Variants in ZNF385D observed in about 807,000 individuals in gnomAD.
ZNF385D encodes the protein zinc finger protein 659.
Under a neutral mutation model 35.8 loss-of-function variants are expected in ZNF385D, and 15 were observed. The observed-to-expected ratio is 0.42, with a 90% CI of 0.28 to 0.64. The LOEUF (loss-of-function observed/expected upper bound fraction) is 0.64, where lower values mean the gene tolerates loss of function less well. Among genes scored for constraint, ZNF385D ranks in the 30% least tolerant of loss-of-function variants. ZNF385D has a pLI of 0.23. For missense variants in ZNF385D, 474 were observed against 494.6 expected, an observed-to-expected ratio of 0.96 and a Z score of 0.39; for synonymous variants, 212 against 186.8, an observed-to-expected ratio of 1.13 and a Z score of -1.10.
chr3:22,321,712 A>T (rs1210885384), intron 2 of ZNF385D, among the ~76,000 whole-genome samples: 1 of 151,902 alleles, frequency 6.6e-6, no homozygotes, highest in African/African-American at 2.4e-5. Flanking sequence ...TATTCCTTTC[A>T]ACTTGCTTTA....
At chr3:22,209,017 G>C (rs1697340604) in intron 2 of ZNF385D, among the ~76,000 whole-genome samples, 1 of 151,802 alleles carries the variant, frequency 6.6e-6, no homozygotes, top group Admixed American at 6.6e-5. Flanking sequence ...TAAATATTAA[G>C]TGTCTCAGTC....
intron 1 of ZNF385D, among the ~76,000 whole-genome samples, chr3:21,691,711 G>A (rs773395523): frequency 1.3e-5 from 2 of 152,042 alleles, no homozygotes; most frequent in Admixed American, 1.3e-4. Flanking sequence ...TGTTTTTTAA[G>A]TGATAACATG....
At chr3:21,637,807 A>T (rs2125850940) in intron 2 of ZNF385D, among the ~76,000 whole-genome samples, 1 of 152,246 alleles carries the variant, frequency 6.6e-6, no homozygotes, top group Non-Finnish European at 1.5e-5. Flanking sequence ...TTAAATGAGT[A>T]ACTCTCAGGA....
intron 2 of ZNF385D, among the ~76,000 whole-genome samples, chr3:22,299,777 C>A (rs553282321): frequency 3.4e-4 from 51 of 151,800 alleles, no homozygotes; most frequent in African/African-American, 1.1e-3. Flanking sequence ...AAGACCTGTA[C>A]ACTGAAAACT....
intron 3 of ZNF385D, among the ~76,000 whole-genome samples, chr3:22,040,221 C>A (rs1415897073): frequency 6.6e-6 from 1 of 152,124 alleles, no homozygotes; most frequent in African/African-American, 2.4e-5. Context: ...CTTTATTAAA[C>A]CTTTTACAAA....
rs182312201 is a variant in ZNF385D at position 22,024,984 on chromosome 3, C to G, written c.325+143833G>C. 1.5e-4 allele frequency among the ~76,000 whole-genome samples: 23 copies of G among 152,210 alleles called. No homozygotes were observed. The East Asian group carries it at 3.9e-3, about 26-fold the overall frequency. On this transcript the variant is annotated intron_variant, in intron 3 of 5. Coordinates refer to the ZNF385D transcript ENST00000494108. ...AGCTCTTATCATGCAAGTGGCTGAC[C>G]TGAAACAAAAGATGCGTGCGCAGCC...
chr3:21,593,724 T>C (rs937454532), intron 2 of ZNF385D, among the ~76,000 whole-genome samples: 4 of 151,358 alleles, frequency 2.6e-5, no homozygotes, highest in Admixed American at 1.3e-4. Context: ...TTTTTAAAAA[T>C]TACAGTGAAC....
At chr3:22,279,525 C>CAT in intron 2 of ZNF385D, among the ~76,000 whole-genome samples, 1 of 141,760 alleles carries the variant, frequency 7.1e-6, no homozygotes, top group African/African-American at 2.7e-5. Context: ...TATACATATA[C>CAT]ATATGTACAT....
chr3:21,476,675 T>C (rs1374943113), intron 4 of ZNF385D, among the ~76,000 whole-genome samples: 1 of 152,138 alleles, frequency 6.6e-6, no homozygotes. Context: ...ATTACATTTT[T>C]AAAATTTAAA....
chr3:21,747,973 G>A (rs1333743548), intron 1 of ZNF385D, among the ~76,000 whole-genome samples: 3 of 152,034 alleles, frequency 2.0e-5, no homozygotes, highest in Non-Finnish European at 4.4e-5. Context: ...ATCCCACTCA[G>A]GTTGCTGACT....
chr3:21,867,907 A>G (rs1679221), intron 3 of ZNF385D, among the ~76,000 whole-genome samples: 69,096 of 151,880 alleles, frequency 0.45, 16,062 homozygotes, highest in African/African-American at 0.53. Flanking sequence ...TGAACTTTAT[A>G]TTTTGTTTAC....
chr3:21,848,240 ATTTG>A (rs1018591747), intron 3 of ZNF385D, among the ~76,000 whole-genome samples: 4 of 151,914 alleles, frequency 2.6e-5, no homozygotes, highest in Non-Finnish European at 5.9e-5. Context: ...TTCTTTATTC[ATTTG>A]TTTGTCCATG....
rs183130331 is a variant in ZNF385D, at chr3:22,158,051, G to A, written c.325+10766C>T. Among the ~76,000 whole-genome samples the A allele has an allele frequency of 2.9e-3, 443 of 152,166 alleles. 5 individuals are homozygous for A. Among genetic ancestry groups the A allele is most frequent in the African/African-American group, 9.9e-3 (413 of 41,542 alleles). On this transcript the variant is annotated intron_variant, in intron 3 of 5. Transcript: ENST00000494108. ...ATGTAAGATGAAAGAGGGAATTACA[G>A]CGCACATTACAAAGCCAACAAATTC...
intron 1 of ZNF385D, among the ~76,000 whole-genome samples, chr3:21,731,482 G>C (rs1014340047): frequency 1.3e-5 from 2 of 152,120 alleles, no homozygotes; most frequent in African/African-American, 4.8e-5. Flanking sequence ...TGTTTCAATT[G>C]ATGAACCTAC....
At chr3:22,153,644 A>G (rs1705407394) in intron 3 of ZNF385D, among the ~76,000 whole-genome samples, 1 of 151,804 alleles carries the variant, frequency 6.6e-6, no homozygotes, top group South Asian at 2.1e-4. Context: ...TTGTATTTTT[A>G]GTAGAGATGG....
At chr3:21,602,619 G>A (rs566063115) in intron 2 of ZNF385D, among the ~76,000 whole-genome samples, 3 of 139,846 alleles carry the variant, frequency 2.1e-5, no homozygotes, top group Non-Finnish European at 3.0e-5. Flanking sequence ...TGCAAGCTCC[G>A]CTTCCCGGGT....
intron 3 of ZNF385D, among the ~76,000 whole-genome samples, chr3:21,979,150 G>C (rs1437179053): frequency 1.3e-5 from 2 of 151,908 alleles, no homozygotes; most frequent in Admixed American, 6.6e-5. Flanking sequence ...TAAATCATTT[G>C]CCTGTAGAAT....
intron 3 of ZNF385D, among the ~76,000 whole-genome samples, chr3:21,869,484 A>G (rs1287627657): frequency 2.0e-5 from 3 of 152,142 alleles, no homozygotes; most frequent in Non-Finnish European, 4.4e-5. Context: ...TGATACTGTC[A>G]GGCTTCAATA....
chr3:22,003,800 G>A (rs751196789), intron 3 of ZNF385D, among the ~76,000 whole-genome samples: 1 of 151,744 alleles, frequency 6.6e-6, no homozygotes, highest in Non-Finnish European at 1.5e-5. Flanking sequence ...CTAGGGGGCA[G>A]AGGCTGCAGT....
Sources: allele counts gnomAD v4.1 joint callset (sites outside exome capture counted in the v4.1 genomes callset), GRCh38; gene constraint gnomAD v4.1.1; transcripts MANE v1.5; gene names NCBI Gene and HGNC (gene_info 2026-07-23, HGNC 2026-07-21).